ITGAV: variants seen among roughly 807,000 people sequenced by gnomAD.
The protein encoded by ITGAV is integrin alpha-V.
In ITGAV, 76 loss-of-function variants were observed where a neutral mutation model predicts 143.8. The ratio of observed to expected loss-of-function variants is 0.53; its 90% CI spans 0.44 to 0.64. The LOEUF (loss-of-function observed/expected upper bound fraction) is 0.64, where lower values mean the gene tolerates loss of function less well. ITGAV is among the 30% of genes least tolerant of loss of function. ITGAV has a pLI of 0.00. For missense variants in ITGAV, 1,193 were observed against 1,274.7 expected (o/e 0.94, Z 0.98); for synonymous variants, 453 against 446.7 (o/e 1.01, Z -0.18).
At chr2:186,636,957 A>G in intron 7 of ITGAV, 108 bp from the exon 8 acceptor site, 5 of 868,980 alleles carry the variant, frequency 5.8e-6, no homozygotes, top group Non-Finnish European at 9.6e-6. Context: ...AAAATATTGC[A>G]TAAGTAAAGG....
intron 21 of ITGAV, 34 bp from the exon 22 acceptor site, chr2:186,666,670 G>A: frequency 7.8e-7 from 1 of 1,285,878 alleles, no homozygotes; most frequent in Non-Finnish European, 1.1e-6. Context: ...ATTAGACATT[G>A]ACTAGCATTA....
Position 186,605,666 on chromosome 2 carries a change from G to C in ITGAV, c.316+3515G>C, listed in dbSNP as rs147256542. Reference sequence around the variant, plus strand: ...AGCACAAGTTAGTGCTGAATAAATTGAAGAGATGAATGTACGATAAGAGGT... The same window carrying C: ...AGCACAAGTTAGTGCTGAATAAATTCAAGAGATGAATGTACGATAAGAGGT... On this transcript the variant is annotated intron_variant, in intron 2 of 29. Transcript: ENST00000261023. Among the ~76,000 whole-genome samples the C allele has an allele frequency of 3.2e-3, 486 of 151,480 alleles. 2 individuals are homozygous for C. The highest frequency in any genetic ancestry group is 0.011 in the African/African-American group (460 of 41,328).
intron 26 of ITGAV, among the ~76,000 whole-genome samples, chr2:186,673,091 A>C (rs1485625758): frequency 6.6e-6 from 1 of 152,160 alleles, no homozygotes; most frequent in South Asian, 2.1e-4. Flanking sequence ...GGGTTAATTT[A>C]TGTGTATGGT....
At chr2:186,614,825 C>G (rs2105674128) in intron 2 of ITGAV, among the ~76,000 whole-genome samples, 1 of 151,838 alleles carries the variant, frequency 6.6e-6, no homozygotes, top group East Asian at 1.9e-4. Context: ...TACTTTTTCT[C>G]CTGACAAATC....
intron 8 of ITGAV, 28 bp from the exon 9 acceptor site, chr2:186,638,249 G>T (rs1688001232): frequency 6.2e-7 from 1 of 1,609,418 alleles, no homozygotes; most frequent in South Asian, 1.1e-5. Flanking sequence ...CCTAAAAAAT[G>T]AATAATTTGT....
chr2:186,596,029 A>C (rs1161185723), intron 1 of ITGAV, among the ~76,000 whole-genome samples: 1 of 152,194 alleles, frequency 6.6e-6, no homozygotes, highest in Non-Finnish European at 1.5e-5. Context: ...TACATTTTCT[A>C]CTCTTCTAGG....
rs1047753461 is a variant in ITGAV at position 186,679,508 on chromosome 2, A to G, written c.*2216A>G. The G allele has an allele frequency of 2.0e-5, 3 of 151,640 alleles. No homozygotes were observed. The highest frequency in any genetic ancestry group is 4.4e-5 in the Non-Finnish European group (3 of 67,792). The allele number at this position is 151,640 out of a possible 1,614,324, so 9.4% of individuals were successfully genotyped here. On this transcript the variant is annotated 3_prime_UTR_variant, in exon 30 of 30. Transcript: ENST00000261023. Reference sequence around the variant, plus strand: ...GAAAATGGTGGGATTTTTTTTTATCATGATTAAATATCAAAAAATTGCCCT... The same window carrying G: ...GAAAATGGTGGGATTTTTTTTTATCGTGATTAAATATCAAAAAATTGCCCT...
At position 186,622,381 on chromosome 2, in the gene ITGAV, C is replaced by G; in HGVS notation, c.359C>G (p.Ser120Cys). ...YAKDDPLEFK[S>C]HQWFGASVRS... ...AAGGATGATCCATTGGAATTTAAGT[C>G]CCATCAGTGGTTTGGAGCATCTGTG... is the stretch of plus-strand genomic sequence containing the variant. The change falls in exon 3 of 30, where the codon TCC becomes TGC. Residue 120 changes from serine to cysteine, a missense_variant. Ser to Cys is a moderately radical substitution (Grantham distance 112, BLOSUM62 -1). Transcript: ENST00000261023. The G allele has an allele frequency of 6.2e-7, 1 of 1,613,620 alleles. No homozygotes were observed. The highest frequency in any genetic ancestry group is 8.5e-7 in the Non-Finnish European group (1 of 1,179,676).
chr2:186,649,269 A>AT (rs915496476), intron 13 of ITGAV, among the ~76,000 whole-genome samples: 72 of 144,604 alleles, frequency 5.0e-4, no homozygotes, highest in South Asian at 2.4e-3. Context: ...ATCTGTTTTT[A>AT]TTTTTTTTTT....
intron 14 of ITGAV, among the ~76,000 whole-genome samples, chr2:186,650,294 G>T (rs1688389185): frequency 6.6e-6 from 1 of 152,080 alleles, no homozygotes; most frequent in African/African-American, 2.4e-5. Flanking sequence ...TCTGCCCCCT[G>T]GGTTCAAACA....
At chr2:186,647,189 TTTTA>T (rs1235018589) in intron 13 of ITGAV, among the ~76,000 whole-genome samples, 1 of 152,166 alleles carries the variant, frequency 6.6e-6, no homozygotes, top group African/African-American at 2.4e-5. Context: ...TAGCTATCTT[TTTTA>T]TTTTTTTAAT....
At position 186,640,923 on chromosome 2, in the gene ITGAV, A is replaced by C; in HGVS notation, c.912A>C (p.Ala304=). 1.3e-6 allele frequency: 2 copies of C among 1,593,758 alleles called. No individual in the cohort carries two copies. Among genetic ancestry groups the C allele is most frequent in the South Asian group, 2.3e-5 (2 of 88,882 alleles). Residue 304 remains alanine, a synonymous_variant, in exon 11 of 30, where the codon GCA becomes GCC. Transcript: ENST00000261023. ...LYNFTGEQMA[A]YFGFSVAATD... is the part of the protein sequence containing the mutation. ...TTCATCTTTTTATCCAGATGGCTGCATATTTCGGATTTTCTGTAGCTGCCA... is the reference window on the plus strand; with the variant it reads ...TTCATCTTTTTATCCAGATGGCTGCCTATTTCGGATTTTCTGTAGCTGCCA...
chr2:186,602,196 T>TG (rs1409949545), intron 2 of ITGAV, 45 bp downstream of exon 2: 9 of 1,561,260 alleles, frequency 5.8e-6, no homozygotes, highest in Non-Finnish European at 7.9e-6. Flanking sequence ...TTCATTTGAT[T>TG]TTTTTTTTGC....
chr2:186,664,843 A>G (rs547060518), intron 20 of ITGAV, among the ~76,000 whole-genome samples: 1 of 152,336 alleles, frequency 6.6e-6, no homozygotes, highest in South Asian at 2.1e-4. Flanking sequence ...TTAGAATTGC[A>G]AGCTAAGTGC....
chr2:186,636,243 G>C, intron 7 of ITGAV, 36 bp downstream of exon 7: 2 of 1,559,574 alleles, frequency 1.3e-6, no homozygotes, highest in Non-Finnish European at 1.8e-6. Context: ...TTTTGGAACT[G>C]TGGTACATAT....
chr2:186,641,702 G>T, intron 12 of ITGAV, 114 bp downstream of exon 12: 1 of 826,148 alleles, frequency 1.2e-6, no homozygotes. Flanking sequence ...TGGAAAGGTG[G>T]ATTGTGTGTA....
chr2:186,600,179 T>C, intron 1 of ITGAV: 1 of 641,548 alleles, frequency 1.6e-6, no homozygotes, highest in East Asian at 2.9e-5. Flanking sequence ...CACTCCCGGC[T>C]TGTCCCCTCC....
intron 28 of ITGAV, among the ~76,000 whole-genome samples, chr2:186,676,574 A>G (rs1026066957): frequency 4.6e-5 from 7 of 152,084 alleles, no homozygotes; most frequent in African/African-American, 1.7e-4. Context: ...ACTGGGCGAG[A>G]CTCTGTCAAA....
intron 4 of ITGAV, among the ~76,000 whole-genome samples, chr2:186,628,250 A>G (rs571552306): frequency 6.6e-6 from 1 of 152,174 alleles, no homozygotes; most frequent in Non-Finnish European, 1.5e-5. Flanking sequence ...CTACACTGCT[A>G]ACTTTTTAAT....
Sources: gnomAD v4.1 joint callset for allele counts (sites outside exome capture counted in the v4.1 genomes callset) on GRCh38, gnomAD v4.1.1 for gene constraint, MANE v1.5 for transcripts, NCBI Gene and HGNC (gene_info 2026-07-23, HGNC 2026-07-21) for gene names.